C3orf33: variants seen among roughly 807,000 people sequenced by gnomAD.
C3orf33 encodes the protein AP-1 activity suppressor.
In C3orf33, 23 loss-of-function variants were observed where a neutral mutation model predicts 28.7. That is an observed-to-expected ratio of 0.80 (90% CI 0.58 to 1.13). The LOEUF (loss-of-function observed/expected upper bound fraction) is 1.13. Ranked by LOEUF, C3orf33 falls within the 50% of genes most tolerant of loss-of-function variation. The pLI is 0.00. For synonymous variants in C3orf33, 119 were observed against 120.5 expected, an observed-to-expected ratio of 0.99 and a Z score of 0.08; for missense variants, 327 against 353.4, an observed-to-expected ratio of 0.93 and a Z score of 0.60.
intron 2 of C3orf33, among the ~76,000 whole-genome samples, chr3:155,784,126 C>T (rs1272624826): frequency 6.6e-6 from 1 of 151,754 alleles, no homozygotes; most frequent in Non-Finnish European, 1.5e-5. Context: ...AGATGGGTTT[C>T]TCCTTGTTGG....
intron 3 of C3orf33, among the ~76,000 whole-genome samples, chr3:155,771,924 G>A (rs1179129967): frequency 1.3e-5 from 2 of 152,172 alleles, no homozygotes; most frequent in East Asian, 3.9e-4. Flanking sequence ...GTAGAACTTG[G>A]CCAGGTGCAG....
At chr3:155,767,418 A>G (rs1304933919) in intron 4 of C3orf33, 91 bp downstream of exon 4, 1 of 1,035,976 alleles carries the variant, frequency 9.7e-7, no homozygotes. Context: ...AGTCAGTCCC[A>G]TTATATATCC....
intron 2 of C3orf33, 133 bp from the exon 3 acceptor site, chr3:155,775,981 T>A (rs945908237): frequency 1.7e-6 from 1 of 604,882 alleles, no homozygotes. Flanking sequence ...CCTAATTTTA[T>A]ATTACTTTAA....
chr3:155,778,019 G>A (rs1351764533), intron 2 of C3orf33, among the ~76,000 whole-genome samples: 3 of 151,670 alleles, frequency 2.0e-5, no homozygotes, highest in Non-Finnish European at 2.9e-5. Flanking sequence ...GCATGGTGGT[G>A]CGTACTTGTA....
chr3:155,802,446 G>T, intron 2 of C3orf33, 86 bp downstream of exon 2: 1 of 957,412 alleles, frequency 1.0e-6, no homozygotes, highest in Non-Finnish European at 1.7e-6. Flanking sequence ...GTAACAATAT[G>T]ATACACTGTT....
chr3:155,780,992 C>CTTTTT (rs746458091), intron 2 of C3orf33, among the ~76,000 whole-genome samples: 6 of 141,154 alleles, frequency 4.3e-5, no homozygotes, highest in African/African-American at 1.6e-4. Flanking sequence ...CTCTAGACTT[C>CTTTTT]TTTTTTTTTT....
chr3:155,788,398 T>C (rs1751205804), intron 2 of C3orf33, among the ~76,000 whole-genome samples: 1 of 151,052 alleles, frequency 6.6e-6, no homozygotes, highest in Admixed American at 6.6e-5. Context: ...GAAAAAACCA[T>C]ATTCGGCTGG....
At chr3:155,797,006 C>T (rs1360801400) in intron 2 of C3orf33, among the ~76,000 whole-genome samples, 1 of 152,128 alleles carries the variant, frequency 6.6e-6, no homozygotes, top group Non-Finnish European at 1.5e-5. Flanking sequence ...GCCTGGTCAA[C>T]ATGGCAAAAC....
Position 155,796,909 on chromosome 3 carries a change from G to A in C3orf33, c.174+5623C>T, listed in dbSNP as rs184964795. ...CATCATATTGACAAAATGAAGGACA[G>A]GCCTGGCATGGTGGCTCATGACTGT... On this transcript the variant is annotated intron_variant, in intron 2 of 4. Transcript: ENST00000340171. 1.8e-4 allele frequency among the ~76,000 whole-genome samples: 28 copies of A among 152,276 alleles called. No individual in the cohort carries two copies. In the East Asian group the frequency reaches 5.4e-3, roughly 29 times the overall value.
At chr3:155,764,449 T>C (rs1750331969) in intron 4 of C3orf33, among the ~76,000 whole-genome samples, 1 of 152,126 alleles carries the variant, frequency 6.6e-6, no homozygotes, top group South Asian at 2.1e-4. Context: ...AACATAAAAA[T>C]AGTCTTGGCC....
chr3:155,775,244 C>A (rs1279490191), intron 3 of C3orf33, among the ~76,000 whole-genome samples: 2 of 152,162 alleles, frequency 1.3e-5, no homozygotes, highest in African/African-American at 2.4e-5. Context: ...AATCCCAGCA[C>A]TTTTGGAGGC....
intron 3 of C3orf33, among the ~76,000 whole-genome samples, chr3:155,773,440 G>A (rs1488313910): frequency 6.6e-6 from 1 of 152,168 alleles, no homozygotes; most frequent in Non-Finnish European, 1.5e-5. Context: ...TCTGAACTAA[G>A]TGATGGAAAA....
rs996044580 is a variant in C3orf33 at position 155,806,220 on chromosome 3, C to G, written c.33G>C (p.Pro11=). The G allele has an allele frequency of 1.3e-6, 2 of 1,483,082 alleles. No homozygotes were observed. Among genetic ancestry groups the G allele is most frequent in the Non-Finnish European group, 1.8e-6 (2 of 1,116,772 alleles). The allele number at this position is 1,483,082 out of a possible 1,614,324, so 91.9% of individuals were successfully genotyped here. MAGQPAATGS[P]SADKDGMEPN... is the part of the protein sequence containing the mutation. ...GCTCCATTCCGTCCTTGTCGGCAGA[C>G]GGCGAGCCGGTGGCCGCGGGCTGCC... The change falls in exon 1 of 5, where the codon CCG becomes CCC. Residue 11 remains proline (P), a synonymous_variant. Coordinates refer to ENST00000340171, the MANE Select transcript of C3orf33 (RefSeq NM_001308229.2).
chr3:155,802,734 ACTT>A, intron 1 of C3orf33, 143 bp from the exon 2 acceptor site: 1 of 581,962 alleles, frequency 1.7e-6, no homozygotes, highest in Non-Finnish European at 2.9e-6. Flanking sequence ...ATAAAGGCCC[ACTT>A]CTTCAAAAAC....
intron 2 of C3orf33, among the ~76,000 whole-genome samples, chr3:155,790,891 C>T (rs1417672754): frequency 6.6e-6 from 1 of 152,150 alleles, no homozygotes; most frequent in Non-Finnish European, 1.5e-5. Context: ...GCAGTCTAGA[C>T]CACAAGGCCT....
chr3:155,777,825 T>C (rs547757973), intron 2 of C3orf33, among the ~76,000 whole-genome samples: 3 of 152,216 alleles, frequency 2.0e-5, no homozygotes, highest in African/African-American at 7.2e-5. Context: ...ACTCTAAAAA[T>C]GTCAGCATCA....
In C3orf33 at chr3:155,763,735, C is replaced by A; in HGVS notation, c.667G>T (p.Glu223Ter). ...EGIWKEDSEK[E>*]SYLEKFKDSW... ...TCTTTGAATTTTTCTAAGTAACTTT[C>A]TTTTTCAGAGTCTTCCTTCCATATT... The change falls in exon 5 of 5, where the codon GAA becomes TAA. Residue 223 changes from glutamate (E) to a stop codon, truncating the protein, a stop_gained. Coordinates refer to ENST00000340171, the MANE Select transcript of C3orf33 (RefSeq NM_001308229.2). LOFTEE classifies it high-confidence loss of function. The A allele has an allele frequency of 1.3e-6, 2 of 1,594,236 alleles. No individual in the cohort carries two copies. Among genetic ancestry groups the A allele is most frequent in the Non-Finnish European group, 1.7e-6 (2 of 1,174,862 alleles).
chr3:155,769,924 C>T (rs957534357), intron 3 of C3orf33, among the ~76,000 whole-genome samples: 1 of 152,360 alleles, frequency 6.6e-6, no homozygotes, highest in East Asian at 1.9e-4. Flanking sequence ...TTACATATAG[C>T]TACCCTTCCC....
intron 3 of C3orf33, among the ~76,000 whole-genome samples, chr3:155,774,365 AC>A (rs1750674653): frequency 6.6e-6 from 1 of 152,216 alleles, no homozygotes; most frequent in Non-Finnish European, 1.5e-5. Context: ...AGGAGGCTTC[AC>A]AGAAGAGCTG....
Sources: allele counts gnomAD v4.1 joint callset (sites outside exome capture counted in the v4.1 genomes callset), GRCh38; gene constraint gnomAD v4.1.1; transcripts MANE v1.5; gene names NCBI Gene and HGNC (gene_info 2026-07-23, HGNC 2026-07-21).